Variants in SLC15A2 observed in about 807,000 individuals in gnomAD.
SLC15A2 encodes the protein kidney H(+)/peptide cotransporter.
SLC15A2 carries 77 observed loss-of-function variants against 95.5 expected under a neutral mutation model. The ratio of observed to expected loss-of-function variants is 0.81; its 90% CI spans 0.67 to 0.97. The LOEUF is 0.97. SLC15A2 is among the 50% of genes least tolerant of loss of function. The pLI is 0.00. For missense variants in SLC15A2, 893 were observed against 874.4 expected (o/e 1.02, Z -0.27); for synonymous variants, 306 against 306.9 (o/e 1.00, Z 0.03).
chr3:121,924,436 TC>T, intron 12 of SLC15A2, 53 bp downstream of exon 12: 1 of 1,434,008 alleles, frequency 7.0e-7, no homozygotes, highest in Non-Finnish European at 9.8e-7. Flanking sequence ...TATCTATGCC[TC>T]CACCTGCAGT....
intron 3 of SLC15A2, among the ~76,000 whole-genome samples, chr3:121,909,039 T>G (rs9289181): frequency 0.45 from 67,777 of 151,804 alleles, 15,654 homozygotes; most frequent in East Asian, 0.69. Flanking sequence ...TTCATTTATT[T>G]ATTTTTATTT....
intron 4 of SLC15A2, among the ~76,000 whole-genome samples, 198 bp downstream of exon 4, chr3:121,911,864 G>A (rs1709774913): frequency 6.6e-6 from 1 of 152,100 alleles, no homozygotes; most frequent in Admixed American, 6.5e-5. Context: ...CTTGTAGAAT[G>A]CCTAGTTAGT....
In SLC15A2 at chr3:121,925,022, A is replaced by C. The variant is rs1420387930; in HGVS notation, c.1113A>C (p.Gly371=). The change falls in exon 13 of 22, where the codon GGA becomes GGC. Residue 371 remains glycine (G), a synonymous_variant. Transcript: ENST00000489711. ...TTTATCGTCTGGTCTCCAAGTGTGG[A>C]ATTAACTTCTCGTAAGTGTTCACTA... ...FVIYRLVSKC[G]INFSSLRKMA... is the part of the protein sequence containing the mutation. 6.2e-7 allele frequency: 1 copy of C among 1,610,092 alleles called. No individual in the cohort carries two copies. Among genetic ancestry groups the C allele is most frequent in the Admixed American group, 1.7e-5 (1 of 60,014 alleles).
At chr3:121,899,246 A>T (rs549587853) in intron 3 of SLC15A2, among the ~76,000 whole-genome samples, 34 of 152,282 alleles carry the variant, frequency 2.2e-4, no homozygotes, top group Admixed American at 1.7e-3. Context: ...TGATGTATTT[A>T]TTATTGTTTT....
intron 2 of SLC15A2, 55 bp downstream of exon 2, chr3:121,896,548 G>A: frequency 7.6e-7 from 1 of 1,318,924 alleles, no homozygotes; most frequent in South Asian, 1.2e-5. Context: ...CTCACCCCAT[G>A]TTTGTGACAG....
At chr3:121,902,211 G>T (rs1386387129) in intron 3 of SLC15A2, among the ~76,000 whole-genome samples, 1 of 152,080 alleles carries the variant, frequency 6.6e-6, no homozygotes, top group Non-Finnish European at 1.5e-5. Flanking sequence ...TGTCAAGTTG[G>T]TTTTAAGAAA....
rs375529176 is a variant in SLC15A2, at chr3:121,929,071, T to C, written c.1431T>C (p.Thr477=). The stretch of plus-strand genomic sequence containing the variant: ...AATATCACAATTTGTCTCTCTACAC[T>C]GAGCATTCTGTGCAGGAGAAGAACT... ...HLKYHNLSLY[T]EHSVQEKNWY... The change falls in exon 16 of 22, where the codon ACT becomes ACC. Residue 477 remains threonine, a synonymous_variant. Coordinates refer to ENST00000489711, the MANE Select transcript of SLC15A2 (RefSeq NM_021082.4). 1.1e-5 allele frequency: 18 copies of C among 1,614,036 alleles called. No individual in the cohort carries two copies. The highest frequency in any genetic ancestry group is 1.3e-5 in the African/African-American group (1 of 74,940).
chr3:121,907,749 C>T (rs1032939660), intron 3 of SLC15A2, among the ~76,000 whole-genome samples: 7 of 152,172 alleles, frequency 4.6e-5, no homozygotes, highest in Admixed American at 1.3e-4. Context: ...CTGGAAACTT[C>T]GTCCCAGAGG....
At position 121,939,411 on chromosome 3, in the gene SLC15A2, T is replaced by G; in HGVS notation, c.1824T>G (p.Ile608Met). ...ACATTCCAGCCAACAAAATGTCCAT[T>G]GCGTGGCAGCTACCACAATATGCCC... Reference protein sequence around the residue: ...IEDIPANKMSIAWQLPQYALV... With the variant: ...IEDIPANKMSMAWQLPQYALV... Residue 608 changes from isoleucine to methionine, a missense_variant, in exon 20 of 22, where the codon ATT becomes ATG. Transcript: ENST00000489711. 2 of 1,580,986 alleles carry G rather than the reference T, an allele frequency of 1.3e-6. No individual in the cohort carries two copies. The highest frequency in any genetic ancestry group is 1.7e-6 in the Non-Finnish European group (2 of 1,164,094).
At chr3:121,940,031 C>T (rs1041013313) in intron 20 of SLC15A2, among the ~76,000 whole-genome samples, 2 of 152,058 alleles carry the variant, frequency 1.3e-5, no homozygotes, top group African/African-American at 4.8e-5. Context: ...ATCTCTAACT[C>T]CTGACCTTGG....
intron 7 of SLC15A2, among the ~76,000 whole-genome samples, chr3:121,921,766 G>C (rs1352464046): frequency 6.6e-6 from 1 of 152,158 alleles, no homozygotes; most frequent in South Asian, 2.1e-4. Flanking sequence ...AAGTTGTGAA[G>C]TCCTGAACAA....
rs183159158 is a variant in SLC15A2 at position 121,898,848 on chromosome 3, C to T, written c.335+1319C>T. ...ACAATGGTTTATAGCTTACTTTGGC[C>T]GATATATGTTCATTATTCTATAAGT... On this transcript the variant is annotated intron_variant, in intron 3 of 21. Coordinates refer to ENST00000489711, the MANE Select transcript of SLC15A2 (RefSeq NM_021082.4). Among the ~76,000 whole-genome samples the T allele has an allele frequency of 9.8e-4, 149 of 152,090 alleles. 1 individual carries two copies. Among genetic ancestry groups the T allele is most frequent in the Admixed American group, 6.5e-4 (10 of 15,276 alleles).
chr3:121,926,522 GA>G (rs2107600741), intron 13 of SLC15A2, among the ~76,000 whole-genome samples: 1 of 152,350 alleles, frequency 6.6e-6, no homozygotes, highest in African/African-American at 2.4e-5. Flanking sequence ...CAAGAATGAA[GA>G]ATGCTTGGCA....
At chr3:121,895,534 C>G (rs1210096111) in intron 1 of SLC15A2, among the ~76,000 whole-genome samples, 1 of 151,962 alleles carries the variant, frequency 6.6e-6, no homozygotes, top group African/African-American at 2.4e-5. Flanking sequence ...CTCTTCTGGT[C>G]CCAAAGAATT....
chr3:121,930,125 G>A (rs750880729), intron 17 of SLC15A2, among the ~76,000 whole-genome samples: 33 of 152,364 alleles, frequency 2.2e-4, no homozygotes, highest in Non-Finnish European at 2.6e-4. Flanking sequence ...CTAGGTCAGT[G>A]TAGAATGATC....
intron 12 of SLC15A2, 44 bp from the exon 13 acceptor site, chr3:121,924,901 T>C: frequency 7.3e-7 from 1 of 1,363,730 alleles, no homozygotes; most frequent in Non-Finnish European, 1.1e-6. Flanking sequence ...ACACTCATGA[T>C]AGGAGAATAT....
intron 3 of SLC15A2, among the ~76,000 whole-genome samples, chr3:121,907,606 A>T (rs1420552261): frequency 1.3e-5 from 2 of 152,326 alleles, no homozygotes; most frequent in East Asian, 3.9e-4. Flanking sequence ...TCTAACAGTC[A>T]GGTCCCTCAG....
intron 19 of SLC15A2, among the ~76,000 whole-genome samples, chr3:121,935,578 G>A (rs1354991998): frequency 2.0e-5 from 3 of 151,998 alleles, no homozygotes; most frequent in South Asian, 2.1e-4. Flanking sequence ...TTCTCTGATG[G>A]TAGTTTGTAT....
intron 7 of SLC15A2, among the ~76,000 whole-genome samples, chr3:121,918,537 A>G (rs912820415): frequency 2.0e-5 from 3 of 152,052 alleles, no homozygotes; most frequent in African/African-American, 7.2e-5. Context: ...ATGAAGATAG[A>G]TAACTAAAAG....
Sources: gnomAD v4.1 joint callset for allele counts (sites outside exome capture counted in the v4.1 genomes callset) on GRCh38, gnomAD v4.1.1 for gene constraint, MANE v1.5 for transcripts, NCBI Gene and HGNC (gene_info 2026-07-23, HGNC 2026-07-21) for gene names.